The following PDZRN4 variants were observed in gnomAD, a reference collection of about 807,000 sequenced individuals.
PDZRN4 encodes the protein PDZ domain-containing RING finger protein 4.
In PDZRN4, 70 loss-of-function variants were observed where a neutral mutation model predicts 99.0. That is an observed-to-expected ratio of 0.71 (90% CI 0.58 to 0.86). The LOEUF (loss-of-function observed/expected upper bound fraction) is 0.86, where lower values mean the gene tolerates loss of function less well. Ranked by LOEUF, PDZRN4 falls within the 40% of genes least tolerant of loss-of-function variation. The probability of loss-of-function intolerance (pLI) is 0.00; values close to 1 mark genes in which losing one functional copy is unlikely to be tolerated. For synonymous variants in PDZRN4, 551 were observed against 501.6 expected (o/e 1.10, Z -1.32); for missense variants, 1,474 against 1,331.2 (o/e 1.11, Z -1.67).
At chr12:41,264,182 C>T (rs900348669) in intron 3 of PDZRN4, among the ~76,000 whole-genome samples, 1 of 152,082 alleles carries the variant, frequency 6.6e-6, no homozygotes, top group African/African-American at 2.4e-5. Context: ...TATATGATAA[C>T]AAAATAATGA....
intron 3 of PDZRN4, among the ~76,000 whole-genome samples, chr12:41,213,728 G>A (rs1217102563): frequency 6.6e-6 from 1 of 152,044 alleles, no homozygotes; most frequent in Admixed American, 6.6e-5. Flanking sequence ...TCAGCATTTT[G>A]TGTTTTGATT....
intron 3 of PDZRN4, among the ~76,000 whole-genome samples, chr12:41,348,400 G>A (rs1951869119): frequency 6.6e-6 from 1 of 152,046 alleles, no homozygotes; most frequent in East Asian, 1.9e-4. Flanking sequence ...TGATTATGCA[G>A]AAGCAATGAT....
intron 3 of PDZRN4, among the ~76,000 whole-genome samples, chr12:41,341,957 A>G (rs1333217676): frequency 6.6e-6 from 1 of 151,960 alleles, no homozygotes; most frequent in East Asian, 1.9e-4. Flanking sequence ...ATATACTACA[A>G]AGCTGCAGTA....
chr12:41,482,197 C>T (rs12372586), intron 3 of PDZRN4, among the ~76,000 whole-genome samples: 23,098 of 152,016 alleles, frequency 0.15, 2,170 homozygotes, highest in Non-Finnish European at 0.21. Flanking sequence ...CACATCTTCA[C>T]GCAGCAAAAC....
intron 3 of PDZRN4, among the ~76,000 whole-genome samples, chr12:41,466,607 T>G (rs1003829521): frequency 7.9e-5 from 12 of 152,180 alleles, no homozygotes; most frequent in African/African-American, 2.9e-4. Context: ...TTATGACATC[T>G]TTAAATAATT....
Position 41,194,130 on chromosome 12 carries a change from T to G in PDZRN4, c.785T>G (p.Leu262Ter). Residue 262 changes from leucine to a stop codon, truncating the protein, a stop_gained, in exon 3 of 10, where the codon TTA becomes TGA. Coordinates refer to ENST00000402685, the MANE Select transcript of PDZRN4 (RefSeq NM_001164595.2). LOFTEE classifies it high-confidence loss of function. Reference protein sequence around the residue: ...STEGIYVSKILENGPADRADG... With the variant: ...STEGIYVSKI Reference sequence around the variant, plus strand: ...GAAGGAATTTACGTTTCAAAAATTTTAGAAAATGGACCTGCTGACAGAGCA... The same window carrying G: ...GAAGGAATTTACGTTTCAAAAATTTGAGAAAATGGACCTGCTGACAGAGCA... 6.3e-7 allele frequency: 1 copy of G among 1,575,900 alleles called. No homozygotes were observed. Among genetic ancestry groups the G allele is most frequent in the Non-Finnish European group, 8.6e-7 (1 of 1,158,384 alleles).
chr12:41,471,049 A>G (rs1952984785), intron 3 of PDZRN4, among the ~76,000 whole-genome samples: 1 of 152,218 alleles, frequency 6.6e-6, no homozygotes. Flanking sequence ...CTACTTAGCA[A>G]CACTCCTGAC....
intron 7 of PDZRN4, among the ~76,000 whole-genome samples, chr12:41,563,259 TGTCAGGAGCTG>T (rs1181294572): frequency 6.6e-6 from 1 of 152,152 alleles, no homozygotes; most frequent in Non-Finnish European, 1.5e-5. Context: ...GAACGTCACC[TGTCAGGAGCTG>T]GTTAATTGTG....
chr12:41,497,351 C>CT (rs1938026780), intron 3 of PDZRN4, among the ~76,000 whole-genome samples: 1 of 151,930 alleles, frequency 6.6e-6, no homozygotes, highest in Non-Finnish European at 1.5e-5. Context: ...GTATATATGC[C>CT]TTATGCCTTT....
intron 3 of PDZRN4, among the ~76,000 whole-genome samples, chr12:41,220,409 C>G (rs759676312): frequency 4.6e-5 from 7 of 152,054 alleles, no homozygotes; most frequent in Non-Finnish European, 1.0e-4. Flanking sequence ...TCTTTAAAGA[C>G]CCCATGTCCA....
At chr12:41,208,301 T>G (rs1950864453) in intron 3 of PDZRN4, among the ~76,000 whole-genome samples, 1 of 151,956 alleles carries the variant, frequency 6.6e-6, no homozygotes, top group South Asian at 2.1e-4. Flanking sequence ...GGGAATAATT[T>G]GAAGAGATTT....
chr12:41,280,015 G>A (rs914705361), intron 3 of PDZRN4, among the ~76,000 whole-genome samples: 2 of 152,116 alleles, frequency 1.3e-5, no homozygotes, highest in African/African-American at 2.4e-5. Context: ...AGAGGTACCC[G>A]GTTCTTCTCA....
intron 3 of PDZRN4, among the ~76,000 whole-genome samples, chr12:41,335,903 C>G (rs189885006): frequency 6.6e-6 from 1 of 152,130 alleles, no homozygotes; most frequent in East Asian, 1.9e-4. Flanking sequence ...ATAATTTTAA[C>G]TATAAAAGGT....
At chr12:41,519,480 T>A (rs1468100600) in intron 5 of PDZRN4, among the ~76,000 whole-genome samples, 2 of 152,084 alleles carry the variant, frequency 1.3e-5, no homozygotes, top group Non-Finnish European at 2.9e-5. Flanking sequence ...AGCCAGGCCC[T>A]ATCCCCAATT....
intron 3 of PDZRN4, among the ~76,000 whole-genome samples, chr12:41,263,986 C>T (rs544366290): frequency 6.6e-6 from 1 of 152,186 alleles, no homozygotes; most frequent in East Asian, 1.9e-4. Context: ...AAAACACACC[C>T]TTGACTTAAC....
At chr12:41,550,128 A>G (rs1288739936) in intron 5 of PDZRN4, among the ~76,000 whole-genome samples, 1 of 152,158 alleles carries the variant, frequency 6.6e-6, no homozygotes, top group Non-Finnish European at 1.5e-5. Flanking sequence ...TTTATTGCCA[A>G]AAAGTTGTTC....
At position 41,296,113 on chromosome 12, in the gene PDZRN4, A is replaced by G. The variant is rs569967031; in HGVS notation, c.843+101925A>G. Among the ~76,000 whole-genome samples the G allele has an allele frequency of 1.4e-3, 207 of 152,316 alleles. 6 individuals carry two copies. In the South Asian group the frequency reaches 0.042, roughly 31 times the overall value. ...ATGCAACTCTGGCTAAAAAAAGTTG[A>G]GCAAATTTTCCACCTGATGAGTGTC... On this transcript the variant is annotated intron_variant, in intron 3 of 9. Coordinates refer to ENST00000402685, the MANE Select transcript of PDZRN4 (RefSeq NM_001164595.2).
At chr12:41,342,900 C>T (rs1228286881) in intron 3 of PDZRN4, among the ~76,000 whole-genome samples, 3 of 151,858 alleles carry the variant, frequency 2.0e-5, no homozygotes, top group Admixed American at 2.0e-4. Flanking sequence ...GAAGAGACAA[C>T]TACACTCCCA....
At chr12:41,478,556 A>T (rs531293064) in intron 3 of PDZRN4, among the ~76,000 whole-genome samples, 58 of 152,348 alleles carry the variant, frequency 3.8e-4, no homozygotes, top group Admixed American at 9.8e-4. Context: ...AAACATTTTC[A>T]CCTGTTGTCA....
Sources: gnomAD v4.1 joint callset for allele counts (sites outside exome capture counted in the v4.1 genomes callset) on GRCh38, gnomAD v4.1.1 for gene constraint, MANE v1.5 for transcripts, NCBI Gene and HGNC (gene_info 2026-07-23, HGNC 2026-07-21) for gene names.